Variants in CDYL2 observed in about 807,000 individuals in gnomAD.
The protein encoded by CDYL2 is chromodomain Y like 2.
In CDYL2, 23 loss-of-function variants were observed where a neutral mutation model predicts 49.4. The ratio of observed to expected loss-of-function variants is 0.47; its 90% confidence interval spans 0.34 to 0.66. The LOEUF is 0.66. CDYL2 is among the 30% of genes least tolerant of loss of function. The pLI, the probability that CDYL2 is intolerant of heterozygous loss-of-function variation, is 0.01. For synonymous variants in CDYL2, 360 were observed against 268.8 expected, an observed-to-expected ratio of 1.34 and a Z score of -3.32; for missense variants, 678 against 656.4, an observed-to-expected ratio of 1.03 and a Z score of -0.36.
At chr16:80,761,938 C>G (rs1181082211) in intron 1 of CDYL2, among the ~76,000 whole-genome samples, 2 of 148,776 alleles carry the variant, frequency 1.3e-5, no homozygotes, top group Non-Finnish European at 1.5e-5. Flanking sequence ...AAAATCCCAG[C>G]ATTTTGGGAG....
At chr16:80,785,911 T>C (rs1185226947) in intron 1 of CDYL2, among the ~76,000 whole-genome samples, 1 of 152,210 alleles carries the variant, frequency 6.6e-6, no homozygotes, top group Non-Finnish European at 1.5e-5. Flanking sequence ...GCTAGCCATA[T>C]GCAGAAAACT....
intron 1 of CDYL2, among the ~76,000 whole-genome samples, chr16:80,761,283 A>G (rs1006170886): frequency 1.3e-5 from 2 of 152,320 alleles, no homozygotes; most frequent in Non-Finnish European, 2.9e-5. Flanking sequence ...CTGGGTTCCA[A>G]TCTATCACTG....
intron 6 of CDYL2, among the ~76,000 whole-genome samples, chr16:80,605,645 A>G (rs185974422): frequency 1.1e-3 from 165 of 151,734 alleles, no homozygotes; most frequent in African/African-American, 3.8e-3. Context: ...AGTAATGAGC[A>G]ATAATCACAG....
chr16:80,718,599 A>T (rs910746582), intron 1 of CDYL2, among the ~76,000 whole-genome samples: 1 of 152,232 alleles, frequency 6.6e-6, no homozygotes, highest in Non-Finnish European at 1.5e-5. Flanking sequence ...AGCCAGGCTC[A>T]GGAGCTAGAA....
intron 2 of CDYL2, among the ~76,000 whole-genome samples, chr16:80,678,009 G>T (rs1472884106): frequency 6.6e-6 from 1 of 151,810 alleles, no homozygotes; most frequent in Non-Finnish European, 1.5e-5. Context: ...AAGAAATGGG[G>T]AAAGGATTCC....
intron 1 of CDYL2, among the ~76,000 whole-genome samples, chr16:80,705,982 T>C (rs1390673433): frequency 6.6e-6 from 1 of 152,256 alleles, no homozygotes; most frequent in African/African-American, 2.4e-5. Context: ...ATCTACCGTA[T>C]GCTGGACACT....
At chr16:80,676,838 C>T (rs1055789859) in intron 2 of CDYL2, among the ~76,000 whole-genome samples, 2 of 152,064 alleles carry the variant, frequency 1.3e-5, no homozygotes, top group Non-Finnish European at 2.9e-5. Context: ...GAGGGGTTAT[C>T]TGCTCTAGAA....
At chr16:80,664,810 C>T (rs1236807954) in intron 2 of CDYL2, among the ~76,000 whole-genome samples, 1 of 152,082 alleles carries the variant, frequency 6.6e-6, no homozygotes, top group Non-Finnish European at 1.5e-5. Flanking sequence ...CCTGCATATA[C>T]CTCAGTTTCC....
intron 5 of CDYL2, among the ~76,000 whole-genome samples, chr16:80,611,151 C>G (rs1446958734): frequency 6.6e-6 from 1 of 152,164 alleles, no homozygotes; most frequent in African/African-American, 2.4e-5. Context: ...CCTCTCTGAA[C>G]AAGGTGGGAC....
In CDYL2 at chr16:80,800,948, G is replaced by A. The variant is rs576347391; in HGVS notation, c.24+3202C>T. Among the ~76,000 whole-genome samples the A allele has an allele frequency of 5.3e-5, 8 of 152,288 alleles. No homozygotes were observed. The South Asian group carries it at 6.2e-4, about 12-fold the overall frequency. ...CCCAGTGAATGATTTAAGAAGAATG[G>A]GTGCCTGGTAATAGGGAGCAAGGGG... On this transcript the variant is annotated intron_variant, in intron 1 of 6. Transcript: ENST00000570137.
intron 1 of CDYL2, among the ~76,000 whole-genome samples, chr16:80,764,369 G>A (rs577551492): frequency 6.6e-6 from 1 of 152,148 alleles, no homozygotes; most frequent in African/African-American, 2.4e-5. Context: ...ACTGAGCCAT[G>A]TGTCTTATTC....
intron 1 of CDYL2, among the ~76,000 whole-genome samples, chr16:80,789,383 C>T (rs1907538464): frequency 6.6e-6 from 1 of 152,038 alleles, no homozygotes; most frequent in Non-Finnish European, 1.5e-5. Flanking sequence ...GGGTGGATCA[C>T]GAGGTCAGGA....
chr16:80,792,220 C>T (rs74030442), intron 1 of CDYL2, among the ~76,000 whole-genome samples: 2,866 of 152,208 alleles, frequency 0.019, 96 homozygotes, highest in African/African-American at 0.065. Flanking sequence ...AGGCAAATGT[C>T]CAAGACTTGG....
intron 1 of CDYL2, among the ~76,000 whole-genome samples, chr16:80,688,215 G>C (rs1338153380): frequency 1.3e-5 from 2 of 152,208 alleles, no homozygotes; most frequent in South Asian, 4.2e-4. Context: ...TCTACCTCTG[G>C]TCCCATTCAC....
chr16:80,715,101 T>C (rs190777055), intron 1 of CDYL2, among the ~76,000 whole-genome samples: 20 of 151,940 alleles, frequency 1.3e-4, no homozygotes, highest in African/African-American at 4.6e-4. Flanking sequence ...GGAGATGAGA[T>C]CAAAGTAAGT....
intron 1 of CDYL2, among the ~76,000 whole-genome samples, chr16:80,717,145 C>T (rs565368174): frequency 3.3e-5 from 4 of 119,936 alleles, no homozygotes; most frequent in South Asian, 5.6e-4. Context: ...TGGACTGGAT[C>T]GATAGATGGA....
intron 1 of CDYL2, among the ~76,000 whole-genome samples, chr16:80,791,939 G>A: frequency 6.6e-6 from 1 of 152,178 alleles, no homozygotes; most frequent in Non-Finnish European, 1.5e-5. Flanking sequence ...AAAGACCCAA[G>A]CAATGGCAGT....
intron 2 of CDYL2, among the ~76,000 whole-genome samples, chr16:80,637,048 T>C (rs934622425): frequency 2.6e-5 from 4 of 152,056 alleles, no homozygotes; most frequent in African/African-American, 9.7e-5. Context: ...CACCGGGGCT[T>C]GTCTGGGGGT....
At chr16:80,691,078 A>G (rs1168833845) in intron 1 of CDYL2, among the ~76,000 whole-genome samples, 1 of 152,128 alleles carries the variant, frequency 6.6e-6, no homozygotes, top group Non-Finnish European at 1.5e-5. Context: ...GAACAGAGAA[A>G]GAAGACATCC....
Sources: gnomAD v4.1 joint callset for allele counts (sites outside exome capture counted in the v4.1 genomes callset) on GRCh38, gnomAD v4.1.1 for gene constraint, MANE v1.5 for transcripts, NCBI Gene and HGNC (gene_info 2026-07-23, HGNC 2026-07-21) for gene names.